The following CAST variants were observed in gnomAD, a reference collection of about 807,000 sequenced individuals.
The protein encoded by CAST is calpastatin, also known as MIR583 host.
In CAST, 76 loss-of-function variants were observed where a neutral mutation model predicts 119.6. The observed-to-expected ratio is 0.64, with a 90% confidence interval of 0.53 to 0.77. CAST has a LOEUF of 0.77. CAST is among the 30% of genes least tolerant of loss of function. CAST has a pLI of 0.00. For synonymous variants in CAST, 319 were observed against 331.6 expected (o/e 0.96, Z 0.41); for missense variants, 953 against 946.5 (o/e 1.01, Z -0.09).
the CAST span, among the ~76,000 whole-genome samples, chr5:96,261,218 A>G: frequency 6.6e-6 from 1 of 152,326 alleles, no homozygotes; most frequent in African/African-American, 2.4e-5. Flanking sequence ...AATTTCCTAC[A>G]ATGATGAAAA....
At chr5:96,392,867 G>T in the CAST span, 1 of 894,376 alleles carries the variant, frequency 1.1e-6, no homozygotes, top group Non-Finnish European at 1.8e-6. Context: ...ACAGTTTAGG[G>T]AGAAAAAGAA....
the CAST span, among the ~76,000 whole-genome samples, chr5:96,255,285 G>T: frequency 1.3e-5 from 2 of 152,118 alleles, no homozygotes; most frequent in Non-Finnish European, 2.9e-5. Context: ...GAATGTTGTG[G>T]TTAACTGATA....
At chr5:96,495,450 G>T in the CAST span, among the ~76,000 whole-genome samples, 1 of 152,082 alleles carries the variant, frequency 6.6e-6, no homozygotes, top group African/African-American at 2.4e-5. Context: ...CCTGATGTGT[G>T]ATGTTCCCCT....
At chr5:96,144,343 C>A in the CAST span, among the ~76,000 whole-genome samples, 7 of 152,124 alleles carry the variant, frequency 4.6e-5, no homozygotes, top group African/African-American at 1.4e-4. Context: ...GAAAGACTGA[C>A]CAAAACGGAG....
intron 1 of CAST, among the ~76,000 whole-genome samples, chr5:96,611,762 C>G (rs778543541): frequency 1.3e-5 from 2 of 151,826 alleles, no homozygotes; most frequent in African/African-American, 2.4e-5. Flanking sequence ...CAAGAAAAAA[C>G]CCATTAAAAA....
At chr5:96,602,611 G>A (rs531827063) in intron 1 of CAST, among the ~76,000 whole-genome samples, 22 of 152,246 alleles carry the variant, frequency 1.4e-4, no homozygotes, top group African/African-American at 4.3e-4. Context: ...TTATCTAGGC[G>A]TGGTGGTGCA....
chr5:96,035,289 T>C, the CAST span, among the ~76,000 whole-genome samples: 1 of 150,432 alleles, frequency 6.6e-6, no homozygotes, highest in African/African-American at 2.4e-5. Flanking sequence ...AATTAAAATT[T>C]TTTTAAATAA....
intron 3 of CAST, among the ~76,000 whole-genome samples, chr5:96,719,921 A>G (rs1342084474): frequency 6.6e-6 from 1 of 152,182 alleles, no homozygotes; most frequent in African/African-American, 2.4e-5. Flanking sequence ...AGGTCACATT[A>G]TCAGAACTGC....
chr5:96,421,941 A>G, the CAST span: 31 of 1,560,082 alleles, frequency 2.0e-5, no homozygotes, highest in Non-Finnish European at 2.4e-5. Flanking sequence ...TTAAAATCAT[A>G]GCTAGCCTCT....
At chr5:96,412,629 A>G in the CAST span, 4 of 779,188 alleles carry the variant, frequency 5.1e-6, no homozygotes, top group Non-Finnish European at 6.3e-6. Flanking sequence ...GATGTCCCCA[A>G]TTTCTGTAAC....
the CAST span, among the ~76,000 whole-genome samples, chr5:96,184,126 C>A: frequency 6.6e-6 from 1 of 152,122 alleles, no homozygotes; most frequent in Non-Finnish European, 1.5e-5. Flanking sequence ...ATAGGTACAG[C>A]CCAGACAATG....
At chr5:96,565,813 G>A (rs1746456138) in intron 1 of CAST, among the ~76,000 whole-genome samples, 2 of 152,276 alleles carry the variant, frequency 1.3e-5, no homozygotes, top group South Asian at 4.1e-4. Context: ...CAGGGTAATT[G>A]GTGCTCAAAT....
the CAST span, among the ~76,000 whole-genome samples, chr5:96,179,699 C>T: frequency 3.9e-5 from 6 of 152,128 alleles, no homozygotes; most frequent in African/African-American, 1.2e-4. Context: ...TGCAGGAGCA[C>T]GAGAGCACTT....
the CAST span, among the ~76,000 whole-genome samples, chr5:96,367,257 G>A: frequency 3.9e-5 from 6 of 152,036 alleles, no homozygotes; most frequent in Non-Finnish European, 7.4e-5. Context: ...TCCCAGTTAG[G>A]CTACTCGGGT....
At chr5:96,607,006 T>C (rs555064221) in intron 1 of CAST, among the ~76,000 whole-genome samples, 15 of 152,314 alleles carry the variant, frequency 9.8e-5, no homozygotes, top group African/African-American at 3.6e-4. Context: ...AACCACTATA[T>C]TGGCGGGCGC....
intron 1 of CAST, among the ~76,000 whole-genome samples, chr5:96,639,047 G>A (rs1001977817): frequency 6.6e-6 from 1 of 152,184 alleles, no homozygotes; most frequent in African/African-American, 2.4e-5. Flanking sequence ...CAGCCCATGT[G>A]TTGGCATTTG....
At chr5:96,579,656 C>T (rs768932161) in intron 1 of CAST, among the ~76,000 whole-genome samples, 14 of 152,172 alleles carry the variant, frequency 9.2e-5, no homozygotes, top group Admixed American at 2.0e-4. Context: ...GTGTCCCACA[C>T]CAGTTTTCCT....
At chr5:96,584,183 T>A (rs1380499) in intron 1 of CAST, among the ~76,000 whole-genome samples, 71,254 of 152,008 alleles carry the variant, frequency 0.47, 18,016 homozygotes, top group East Asian at 0.93. Flanking sequence ...ATCAGGCATT[T>A]GTTAAGTTCT....
At chr5:96,563,606 T>C (rs1295620153) in intron 1 of CAST, among the ~76,000 whole-genome samples, 1 of 152,152 alleles carries the variant, frequency 6.6e-6, no homozygotes, top group Non-Finnish European at 1.5e-5. Context: ...TGTGTCTATC[T>C]TCAGATACTT....
Sources: gnomAD v4.1 joint callset for allele counts (sites outside exome capture counted in the v4.1 genomes callset) on GRCh38, gnomAD v4.1.1 for gene constraint, MANE v1.5 for transcripts, NCBI Gene and HGNC (gene_info 2026-07-23, HGNC 2026-07-21) for gene names.